ARMC9: variants seen among roughly 807,000 people sequenced by gnomAD.
ARMC9 encodes armadillo repeat containing 9.
In ARMC9, 94 loss-of-function variants were observed where a neutral mutation model predicts 107.0. The ratio of observed to expected loss-of-function variants is 0.88; its 90% CI spans 0.74 to 1.04. The LOEUF is 1.04. Among genes scored for constraint, ARMC9 ranks in the 50% least tolerant of loss-of-function variants. The pLI, the probability that ARMC9 is intolerant of heterozygous loss-of-function variation, is 0.00. For synonymous variants in ARMC9, 380 were observed against 396.9 expected, an observed-to-expected ratio of 0.96 and a Z score of 0.51; for missense variants, 942 against 1,030.1, an observed-to-expected ratio of 0.91 and a Z score of 1.17.
At chr2:231,343,894 G>A (rs1015421870) in intron 20 of ARMC9, among the ~76,000 whole-genome samples, 5 of 149,584 alleles carry the variant, frequency 3.3e-5, no homozygotes, top group Admixed American at 6.7e-5. Flanking sequence ...GCAAGACCTC[G>A]TCTCGAGGAA....
chr2:231,288,497 G>C (rs1417914062), intron 17 of ARMC9, among the ~76,000 whole-genome samples: 1 of 152,206 alleles, frequency 6.6e-6, no homozygotes, highest in Non-Finnish European at 1.5e-5. Flanking sequence ...AAGACCTTTA[G>C]TGATAGAGGA....
rs1229539120 is a variant in ARMC9, at chr2:231,235,487, AGCCAGTGGCGCCT to A, written c.780+109_780+121del. 3.0e-6 allele frequency: 4 copies of A among 1,347,980 alleles called. No individual in the cohort carries two copies. In the African/African-American group the frequency reaches 5.8e-5, roughly 20 times the overall value. 83.5% of individuals were successfully genotyped at this position (1,347,980 alleles called of 1,614,324 possible). ...GTGGAGCCTGCCTCTCTCCATTCCAAGCCAGTGGCGCCTGCTGCTCTATTTCCAAAAGCCAACA... is the reference window on the plus strand; with the variant it reads ...GTGGAGCCTGCCTCTCTCCATTCCAAGCTGCTCTATTTCCAAAAGCCAACA... On this transcript the variant is annotated intron_variant, in intron 8 of 24. Transcript: ENST00000611582.
At chr2:231,258,752 T>A (rs1198066686) in intron 10 of ARMC9, among the ~76,000 whole-genome samples, 1 of 152,156 alleles carries the variant, frequency 6.6e-6, no homozygotes, top group Non-Finnish European at 1.5e-5. Flanking sequence ...AAAGACTCCT[T>A]GTTTTAGGAA....
intron 3 of ARMC9, among the ~76,000 whole-genome samples, chr2:231,211,940 C>CTG (rs946887062): frequency 2.6e-5 from 4 of 152,110 alleles, no homozygotes; most frequent in Non-Finnish European, 2.9e-5. Context: ...CAGTCAACAG[C>CTG]TGTGTCCCCC....
intron 22 of ARMC9, among the ~76,000 whole-genome samples, chr2:231,356,704 T>C (rs1446647565): frequency 6.6e-6 from 1 of 152,172 alleles, no homozygotes; most frequent in Non-Finnish European, 1.5e-5. Flanking sequence ...GGTCTCTTGG[T>C]GATGAGCAGT....
chr2:231,290,080 C>T (rs530575948), intron 17 of ARMC9, among the ~76,000 whole-genome samples: 19 of 152,282 alleles, frequency 1.2e-4, no homozygotes, highest in African/African-American at 4.1e-4. Context: ...TACATCTTGA[C>T]GAATGTGTAT....
intron 21 of ARMC9, among the ~76,000 whole-genome samples, chr2:231,347,543 G>A (rs1287639814): frequency 1.3e-5 from 2 of 152,198 alleles, no homozygotes; most frequent in African/African-American, 4.8e-5. Context: ...TACAAAGTTT[G>A]AATGCTGGGG....
chr2:231,205,016 T>A (rs1319510702), intron 1 of ARMC9, among the ~76,000 whole-genome samples: 2 of 151,858 alleles, frequency 1.3e-5, no homozygotes, highest in African/African-American at 4.8e-5. Context: ...GAAATTGGAT[T>A]GAAGTGGAGA....
At chr2:231,250,034 C>T (rs2037154106) in intron 9 of ARMC9, among the ~76,000 whole-genome samples, 1 of 152,048 alleles carries the variant, frequency 6.6e-6, no homozygotes, top group African/African-American at 2.4e-5. Flanking sequence ...CGTGCATTTG[C>T]AGGTCCACTG....
chr2:231,270,730 G>T, intron 12 of ARMC9: 1 of 623,642 alleles, frequency 1.6e-6, no homozygotes, highest in South Asian at 1.5e-5. Flanking sequence ...CTTCCCTCGC[G>T]CCAGTCACTG....
intron 14 of ARMC9, 70 bp downstream of exon 14, chr2:231,273,148 C>G: frequency 6.5e-7 from 1 of 1,547,944 alleles, no homozygotes; most frequent in Non-Finnish European, 8.7e-7. Flanking sequence ...CATGGCAACC[C>G]AGGAGGCAGA....
At chr2:231,264,398 C>T (rs1017478133) in intron 12 of ARMC9, among the ~76,000 whole-genome samples, 11 of 152,046 alleles carry the variant, frequency 7.2e-5, no homozygotes, top group Non-Finnish European at 2.9e-5. Flanking sequence ...AGGCTAGTCT[C>T]GAACTCCTGA....
At chr2:231,352,737 A>C (rs529912279) in intron 21 of ARMC9, among the ~76,000 whole-genome samples, 2 of 151,178 alleles carry the variant, frequency 1.3e-5, no homozygotes, top group Admixed American at 6.6e-5. Flanking sequence ...TGGATAGAAG[A>C]TAGGTAGGTA....
At chr2:231,262,645 C>T (rs1477198143) in intron 12 of ARMC9, among the ~76,000 whole-genome samples, 4 of 152,102 alleles carry the variant, frequency 2.6e-5, no homozygotes, top group Non-Finnish European at 5.9e-5. Context: ...TCTCAAATTC[C>T]CTACTCTTTA....
intron 19 of ARMC9, among the ~76,000 whole-genome samples, chr2:231,312,463 A>T (rs911074383): frequency 2.0e-5 from 3 of 152,394 alleles, no homozygotes; most frequent in South Asian, 4.1e-4. Flanking sequence ...GCAAAGCCAC[A>T]TAGCAAAAGG....
chr2:231,240,319 T>C (rs2036180087), intron 9 of ARMC9, among the ~76,000 whole-genome samples: 1 of 152,248 alleles, frequency 6.6e-6, no homozygotes, highest in African/African-American at 2.4e-5. Flanking sequence ...TAGGAGTGGA[T>C]GGAAACTTTA....
intron 9 of ARMC9, among the ~76,000 whole-genome samples, chr2:231,242,871 T>C (rs1311202282): frequency 6.6e-6 from 1 of 152,092 alleles, no homozygotes; most frequent in Admixed American, 6.6e-5. Context: ...CCAACACTGG[T>C]AGTCCAAGGC....
chr2:231,356,044 G>C, intron 22 of ARMC9, 110 bp downstream of exon 22: 1 of 1,373,696 alleles, frequency 7.3e-7, no homozygotes, highest in Admixed American at 2.5e-5. Context: ...GAAGCCCTCT[G>C]GTCTCAGCAA....
intron 14 of ARMC9, among the ~76,000 whole-genome samples, chr2:231,273,815 A>G (rs888989115): frequency 2.0e-5 from 3 of 152,180 alleles, no homozygotes; most frequent in African/African-American, 7.2e-5. Flanking sequence ...TAGTGTATTT[A>G]CAGAGTTGTG....
Sources: allele counts gnomAD v4.1 joint callset (sites outside exome capture counted in the v4.1 genomes callset), GRCh38; gene constraint gnomAD v4.1.1; transcripts MANE v1.5; gene names NCBI Gene and HGNC (gene_info 2026-07-23, HGNC 2026-07-21).